The following SNTG1 variants were observed in gnomAD, a reference collection of about 807,000 sequenced individuals.
The protein encoded by SNTG1 is syntrophin gamma 1.
In SNTG1, 39 loss-of-function variants were observed where a neutral mutation model predicts 74.7. The observed-to-expected ratio is 0.52, with a 90% CI of 0.40 to 0.68. The LOEUF is 0.68. Among genes scored for constraint, SNTG1 ranks in the 30% least tolerant of loss-of-function variants. SNTG1 has a pLI of 0.00. For missense variants in SNTG1, 685 were observed against 609.5 expected (o/e 1.12, Z -1.30); for synonymous variants, 254 against 217.1 (o/e 1.17, Z -1.49).
intron 1 of SNTG1, among the ~76,000 whole-genome samples, chr8:49,932,889 G>A (rs1418223371): frequency 6.6e-6 from 1 of 152,110 alleles, no homozygotes; most frequent in Admixed American, 6.5e-5. Context: ...TTATGTGATT[G>A]ACTTCTTTCA....
intron 1 of SNTG1, among the ~76,000 whole-genome samples, chr8:49,953,651 A>C (rs1489183275): frequency 1.3e-5 from 2 of 152,236 alleles, no homozygotes; most frequent in African/African-American, 4.8e-5. Context: ...TTGTTATCTC[A>C]TCAGGGTATG....
intron 13 of SNTG1, among the ~76,000 whole-genome samples, chr8:50,618,207 C>G (rs985838350): frequency 6.6e-6 from 1 of 152,134 alleles, no homozygotes; most frequent in African/African-American, 2.4e-5. Context: ...GTACCACTAC[C>G]ACAGCAATGA....
chr8:50,791,167 T>C (rs1585807307), intron 18 of SNTG1, among the ~76,000 whole-genome samples: 1 of 151,800 alleles, frequency 6.6e-6, no homozygotes, highest in East Asian at 1.9e-4. Flanking sequence ...CATTATGGGG[T>C]GAATGGAGGA....
chr8:50,360,461 T>A (rs28429447), intron 2 of SNTG1, among the ~76,000 whole-genome samples: 155 of 152,274 alleles, frequency 1.0e-3, no homozygotes, highest in Middle Eastern at 3.4e-3. Context: ...GGGTGGGTTA[T>A]CACTAATATC....
At chr8:50,705,525 T>C (rs1229220901) in intron 16 of SNTG1, among the ~76,000 whole-genome samples, 1 of 152,220 alleles carries the variant, frequency 6.6e-6, no homozygotes, top group African/African-American at 2.4e-5. Flanking sequence ...TGTTTTCTAC[T>C]TATTTATAGC....
At chr8:50,754,866 A>G (rs1305250837) in intron 18 of SNTG1, among the ~76,000 whole-genome samples, 2 of 151,898 alleles carry the variant, frequency 1.3e-5, no homozygotes, top group Non-Finnish European at 2.9e-5. Flanking sequence ...TTCTATTTTC[A>G]TCGGTTCAAT....
At chr8:49,950,163 A>G (rs962087456) in intron 1 of SNTG1, among the ~76,000 whole-genome samples, 1 of 152,108 alleles carries the variant, frequency 6.6e-6, no homozygotes, top group Non-Finnish European at 1.5e-5. Context: ...TTATTTAAAA[A>G]CGCATTCCTT....
intron 2 of SNTG1, among the ~76,000 whole-genome samples, chr8:50,251,932 A>C (rs1597428): frequency 0.56 from 85,865 of 151,974 alleles, 27,968 homozygotes; most frequent in East Asian, 0.83. Flanking sequence ...TGCATATGGA[A>C]CATTCTCGAG....
intron 1 of SNTG1, among the ~76,000 whole-genome samples, chr8:49,970,506 C>T (rs1022834116): frequency 2.0e-5 from 3 of 152,082 alleles, no homozygotes; most frequent in Admixed American, 2.0e-4. Flanking sequence ...TTGTTTCTTC[C>T]CTGCAGCTTC....
intron 1 of SNTG1, among the ~76,000 whole-genome samples, chr8:50,030,285 C>T (rs558474641): frequency 2.0e-5 from 3 of 151,782 alleles, no homozygotes; most frequent in Non-Finnish European, 4.4e-5. Flanking sequence ...ATATTTTGTC[C>T]CATTCTGTAG....
chr8:50,194,043 C>T (rs1340301619), intron 2 of SNTG1, among the ~76,000 whole-genome samples: 1 of 152,078 alleles, frequency 6.6e-6, no homozygotes, highest in Non-Finnish European at 1.5e-5. Context: ...GGTGGATCAT[C>T]TTTTTGATAT....
intron 1 of SNTG1, among the ~76,000 whole-genome samples, chr8:49,995,038 T>C (rs923274204): frequency 3.3e-5 from 5 of 152,180 alleles, no homozygotes; most frequent in African/African-American, 9.7e-5. Flanking sequence ...TGATGTGAAC[T>C]TGGCCTTTTC....
In SNTG1 at chr8:50,692,069, G is replaced by T. The variant is rs570625541; in HGVS notation, c.1039-12531G>T. Reference sequence around the variant, plus strand: ...CTACTGAGGCTTCTGCATTTGTCACGTAGCTCTCATGCCTTGGTTTTCAGC... The same window carrying T: ...CTACTGAGGCTTCTGCATTTGTCACTTAGCTCTCATGCCTTGGTTTTCAGC... On this transcript the variant is annotated intron_variant, in intron 15 of 18. Transcript: ENST00000642720. Among the ~76,000 whole-genome samples, 32 of 151,958 alleles carry T rather than the reference G, an allele frequency of 2.1e-4. 1 individual carries two copies. In the South Asian group the frequency reaches 6.4e-3, roughly 31 times the overall value.
At chr8:50,512,024 A>C (rs1303861465) in intron 9 of SNTG1, among the ~76,000 whole-genome samples, 1 of 151,890 alleles carries the variant, frequency 6.6e-6, no homozygotes, top group African/African-American at 2.4e-5. Context: ...TGGTCTTTAC[A>C]ATTTGGCATG....
intron 12 of SNTG1, among the ~76,000 whole-genome samples, chr8:50,568,172 C>T (rs1053909879): frequency 2.0e-5 from 3 of 151,198 alleles, no homozygotes; most frequent in Admixed American, 6.6e-5. Flanking sequence ...CATGTTGCAG[C>T]AAATGTCAGG....
At chr8:50,711,991 T>G (rs563720856) in intron 17 of SNTG1, among the ~76,000 whole-genome samples, 90 of 152,332 alleles carry the variant, frequency 5.9e-4, no homozygotes, top group Non-Finnish European at 1.0e-3. Flanking sequence ...TGCCATTATA[T>G]TCTTTTAAAA....
chr8:50,422,275 C>T (rs533599735), intron 4 of SNTG1, among the ~76,000 whole-genome samples: 34 of 151,526 alleles, frequency 2.2e-4, no homozygotes, highest in Admixed American at 5.9e-4. Context: ...TATCTACTAT[C>T]TATCTATCTA....
intron 11 of SNTG1, among the ~76,000 whole-genome samples, chr8:50,539,582 T>A (rs1291280890): frequency 6.6e-6 from 1 of 152,122 alleles, no homozygotes; most frequent in African/African-American, 2.4e-5. Flanking sequence ...TGGGAGAGAC[T>A]CAGCTCCTTG....
chr8:50,566,709 C>CTGTTTTGTTTTGTTTTGTTT (rs369656490), intron 12 of SNTG1, among the ~76,000 whole-genome samples: 74 of 151,922 alleles, frequency 4.9e-4, no homozygotes, highest in African/African-American at 1.7e-3. Context: ...GCAAAGTCTA[C>CTGTTTTGTTTTGTTTTGTTT]TGTTTTGTTT....
Sources: gnomAD v4.1 joint callset for allele counts (sites outside exome capture counted in the v4.1 genomes callset) on GRCh38, gnomAD v4.1.1 for gene constraint, MANE v1.5 for transcripts, NCBI Gene and HGNC (gene_info 2026-07-23, HGNC 2026-07-21) for gene names.